REPS2: variants seen among roughly 807,000 people sequenced by gnomAD.
REPS2 encodes ralBP1-associated Eps domain-containing protein 2.
A neutral mutation model predicts 53.6 loss-of-function variants in REPS2; 23 were observed. That is an observed-to-expected ratio of 0.43 (90% CI 0.31 to 0.61). REPS2 has a LOEUF of 0.61. Among genes scored for constraint, REPS2 ranks in the 20% least tolerant of loss-of-function variants. The pLI, the probability that REPS2 is intolerant of heterozygous loss-of-function variation, is 0.11. For synonymous variants in REPS2, 238 were observed against 218.6 expected (o/e 1.09, Z -0.78); for missense variants, 446 against 534.9 (o/e 0.83, Z 1.64).
downstream of REPS2, among the ~76,000 whole-genome samples, chrX:17,157,634 A>G (rs751171369): frequency 2.0e-4 from 22 of 111,581 alleles, no homozygotes; most frequent in African/African-American, 6.8e-4. Context: ...GCACAGGACA[A>G]TCCCCCACAA....
chrX:16,957,381 G>T (rs1402473113), intron 1 of REPS2, among the ~76,000 whole-genome samples: 1 of 106,631 alleles, frequency 9.4e-6, no homozygotes, highest in Non-Finnish European at 1.9e-5. Flanking sequence ...CTGTACTCCA[G>T]CCTAGGCGAC....
intron 5 of REPS2, among the ~76,000 whole-genome samples, chrX:17,032,841 G>A (rs1049971299): frequency 4.5e-5 from 5 of 112,088 alleles, no homozygotes; most frequent in Non-Finnish European, 7.5e-5. Context: ...GGAATGATTT[G>A]TCTTTTTGCT....
At chrX:17,116,269 G>C (rs1253113654) in intron 14 of REPS2, among the ~76,000 whole-genome samples, 2 of 110,135 alleles carry the variant, frequency 1.8e-5, no homozygotes, top group African/African-American at 6.6e-5. Flanking sequence ...TGTGCAATGG[G>C]ATGATCCATG....
At chrX:16,992,425 T>G (rs1003843446) in intron 1 of REPS2, among the ~76,000 whole-genome samples, 1 of 112,088 alleles carries the variant, frequency 8.9e-6, no homozygotes, top group Non-Finnish European at 1.9e-5. Flanking sequence ...AGACATGGAG[T>G]ATTTTAAAAA....
intron 14 of REPS2, among the ~76,000 whole-genome samples, chrX:17,118,580 G>T (rs1030425855): frequency 1.2e-4 from 13 of 112,164 alleles, no homozygotes; most frequent in Non-Finnish European, 2.3e-4. Flanking sequence ...TAGAAGAAAA[G>T]GGCTGGAAAA....
intron 9 of REPS2, among the ~76,000 whole-genome samples, chrX:17,065,124 G>A (rs1250492605): frequency 8.9e-6 from 1 of 111,804 alleles, no homozygotes; most frequent in Admixed American, 9.5e-5. Flanking sequence ...GTGTGTTTTC[G>A]GTTCTCTCGA....
At chrX:17,117,948 CTTTTTTTTTTTTTTTTTTTTTT>C (rs145872769) in intron 14 of REPS2, among the ~76,000 whole-genome samples, 1 of 31,007 alleles carries the variant, frequency 3.2e-5, no homozygotes, top group Non-Finnish European at 5.2e-5. Flanking sequence ...TGTTTCCTGA[CTTTTTTTTTTTTTTTTTTTTTT>C]TTTTTTTGAG....
chrX:17,133,262 C>T (rs1243506484), intron 14 of REPS2, among the ~76,000 whole-genome samples: 2 of 111,383 alleles, frequency 1.8e-5, no homozygotes, highest in African/African-American at 3.3e-5. Context: ...TCTCCTTTAG[C>T]GTCCCCTTCA....
Position 16,946,716 on chromosome X carries a change from C to G in REPS2, c.-146C>G. ...CCGGGAGGAAGCGGCCGCGCGGCAG[C>G]TGCGGGGCGTGGGGGTGGTGGTGGC... On this transcript the variant is annotated 5_prime_UTR_variant, in exon 1 of 18. Coordinates refer to ENST00000357277, the MANE Select transcript of REPS2 (RefSeq NM_004726.3). 1.6e-6 allele frequency: 1 copy of G among 640,329 alleles called. No homozygotes were observed. Among genetic ancestry groups the G allele is most frequent in the Non-Finnish European group, 1.8e-6 (1 of 540,886 alleles). The allele number at this position is 640,329 out of a possible 1,213,427, so 52.8% of individuals were successfully genotyped here.
intron 1 of REPS2, among the ~76,000 whole-genome samples, chrX:16,975,257 G>C (rs2060941619): frequency 8.9e-6 from 1 of 111,960 alleles, no homozygotes; most frequent in Non-Finnish European, 1.9e-5. Context: ...GGGTCGAATG[G>C]TATTTCCGTT....
At chrX:17,012,700 C>T (rs774066557) in intron 2 of REPS2, among the ~76,000 whole-genome samples, 38 of 111,250 alleles carry the variant, frequency 3.4e-4, no homozygotes, top group African/African-American at 1.1e-3. Flanking sequence ...CAGTCTGGCA[C>T]AGTTTAGAAT....
At chrX:17,185,950 GA>G in the REPS2 span, among the ~76,000 whole-genome samples, 47 of 107,999 alleles carry the variant, frequency 4.4e-4, no homozygotes, top group African/African-American at 1.4e-3. Flanking sequence ...CCTATCTAAA[GA>G]AAAAAAAAAT....
intron 2 of REPS2, among the ~76,000 whole-genome samples, chrX:17,010,758 T>C (rs981522773): frequency 9.0e-6 from 1 of 111,421 alleles, no homozygotes; most frequent in Admixed American, 9.5e-5. Context: ...TCTAAAACGA[T>C]TGGAATTCAG....
intron 9 of REPS2, among the ~76,000 whole-genome samples, chrX:17,062,957 G>A (rs1189715836): frequency 3.6e-5 from 4 of 111,864 alleles, no homozygotes; most frequent in African/African-American, 9.8e-5. Flanking sequence ...AGAGGTTTGA[G>A]AACTTTATAT....
the REPS2 span, among the ~76,000 whole-genome samples, chrX:17,193,419 G>A: frequency 9.0e-6 from 1 of 111,610 alleles, no homozygotes; most frequent in African/African-American, 3.3e-5. Flanking sequence ...GAGTGGCAAT[G>A]GCAGGTGATG....
chrX:17,049,195 T>C (rs2061947070), intron 6 of REPS2, among the ~76,000 whole-genome samples: 1 of 112,358 alleles, frequency 8.9e-6, no homozygotes, highest in Non-Finnish European at 1.9e-5. Context: ...ACCTGGCCTT[T>C]TATTATGCTA....
chrX:17,177,754 C>A, the REPS2 span, among the ~76,000 whole-genome samples: 252 of 112,150 alleles, frequency 2.2e-3, 1 homozygote, highest in African/African-American at 7.8e-3. Flanking sequence ...CCTTAACCTG[C>A]TACACTAGGC....
In REPS2 at chrX:16,968,672, C is replaced by T. The variant is rs1290882186; in HGVS notation, c.273+21538C>T. Among the ~76,000 whole-genome samples, 11 of 100,182 alleles carry T rather than the reference C, an allele frequency of 1.1e-4. No homozygotes were observed. In the South Asian group the frequency reaches 1.4e-3, roughly 13 times the overall value. 87.0% of individuals were successfully genotyped at this position (100,182 alleles called of 115,157 possible). On this transcript the variant is annotated intron_variant, in intron 1 of 17. Transcript: ENST00000357277. The stretch of plus-strand genomic sequence containing the variant: ...CTGACCCCCCCACCTCCCTCCCAGA[C>T]GGGGCGGCTGGCCGGGCGGGGGGCT...
intron 17 of REPS2, among the ~76,000 whole-genome samples, chrX:17,146,057 C>T (rs112251206): frequency 0.035 from 3,712 of 105,022 alleles, 170 homozygotes; most frequent in African/African-American, 0.12. Context: ...TGCAGTGAGC[C>T]GAGATCGCGC....
Sources: allele counts gnomAD v4.1 joint callset (sites outside exome capture counted in the v4.1 genomes callset), GRCh38; gene constraint gnomAD v4.1.1; transcripts MANE v1.5; gene names NCBI Gene and HGNC (gene_info 2026-07-23, HGNC 2026-07-21).